RGL3: variants seen among roughly 807,000 people sequenced by gnomAD.
RGL3 encodes the protein ral guanine nucleotide dissociation stimulator-like 3.
In RGL3, 85 loss-of-function variants were observed where a neutral mutation model predicts 90.6. The observed-to-expected ratio is 0.94, with a 90% confidence interval of 0.79 to 1.12. The LOEUF (loss-of-function observed/expected upper bound fraction) is 1.12, where lower values mean the gene tolerates loss of function less well. Among genes scored for constraint, RGL3 ranks in the 50% most tolerant of loss-of-function variants. The probability of loss-of-function intolerance (pLI) is 0.00; values close to 1 mark genes in which losing one functional copy is unlikely to be tolerated. For missense variants in RGL3, 1,034 were observed against 939.2 expected (o/e 1.10, Z -1.32); for synonymous variants, 408 against 385.5 (o/e 1.06, Z -0.68).
rs1219383117 is a variant in RGL3, at chr19:11,414,343, T to TTA, written c.637+1592_637+1593dup. Among the ~76,000 whole-genome samples the TTA allele has an allele frequency of 1.6e-4, 16 of 102,610 alleles. 1 individual carries two copies. The highest frequency in any genetic ancestry group is 3.9e-5 in the Non-Finnish European group (2 of 51,098). The allele number at this position is 102,610 out of a possible 152,430, so 67.3% of individuals were successfully genotyped here. A position where few individuals can be genotyped will look rare whatever the true frequency, so the allele number is the denominator to read the frequency against. ...TACCTTCATATATATATATATACCT[T>TTA]TATATATATATACCTTTATATATAC... On this transcript the variant is annotated intron_variant, in intron 5 of 18. Transcript: ENST00000380456.
Position 11,417,293 on chromosome 19 carries a change from G to GGC in RGL3, c.148-236_148-235dup, listed in dbSNP as rs540927694. Among the ~76,000 whole-genome samples, 21 of 151,530 alleles carry GGC rather than the reference G, an allele frequency of 1.4e-4. No individual in the cohort carries two copies. The East Asian group carries it at 3.9e-3, about 28-fold the overall frequency. On this transcript the variant is annotated intron_variant, in intron 2 of 18. Transcript: ENST00000380456. The stretch of plus-strand genomic sequence containing the variant: ...CAGCCTCCAAGTAGCTGAAACTACA[G>GGC]GCGCACACCACCAAGCCCAGCTAAT...
At chr19:11,402,422 C>T in intron 11 of RGL3, 33 bp downstream of exon 11, 1 of 1,587,942 alleles carries the variant, frequency 6.3e-7, no homozygotes. Context: ...GCAAGTGGAG[C>T]TGGGGTCAGG....
At chr19:11,412,952 C>T (rs925297493) in intron 5 of RGL3, among the ~76,000 whole-genome samples, 3 of 151,714 alleles carry the variant, frequency 2.0e-5, no homozygotes, top group South Asian at 2.1e-4. Flanking sequence ...GGCGACAGAG[C>T]GAGACTCTGT....
Position 11,416,479 on chromosome 19 carries a change from A to T in RGL3, c.425+135T>A, listed in dbSNP as rs557435642. 105 of 879,054 alleles carry T rather than the reference A, an allele frequency of 1.2e-4. No individual in the cohort carries two copies. In the East Asian group the frequency reaches 1.7e-3, roughly 14 times the overall value. The allele number at this position is 879,054 out of a possible 1,614,324, so 54.5% of individuals were successfully genotyped here. A position where few individuals can be genotyped will look rare whatever the true frequency, so the allele number is the denominator to read the frequency against. Reference sequence around the variant, plus strand: ...CTCCCAAAGTGTTGGGATTACAGGCATGAGCCACCACGCCCCACCTGACTC... The same window carrying T: ...CTCCCAAAGTGTTGGGATTACAGGCTTGAGCCACCACGCCCCACCTGACTC... On this transcript the variant is annotated intron_variant, in intron 4 of 18. Coordinates refer to ENST00000380456, the MANE Select transcript of RGL3 (RefSeq NM_001035223.4).
chr19:11,399,267 T>C (rs1968629925), intron 16 of RGL3, among the ~76,000 whole-genome samples: 1 of 152,002 alleles, frequency 6.6e-6, no homozygotes, highest in Non-Finnish European at 1.5e-5. Flanking sequence ...GGGACATACA[T>C]GTCCTCAAAA....
rs1314855749 is a variant in RGL3, at chr19:11,414,155, A to G, written c.637+1782T>C. Among the ~76,000 whole-genome samples, 7 of 88,020 alleles carry G rather than the reference A, an allele frequency of 8.0e-5. No individual in the cohort carries two copies. In the South Asian group the frequency reaches 2.8e-3, roughly 35 times the overall value. 57.7% of individuals were successfully genotyped at this position (88,020 alleles called of 152,430 possible). A position where few individuals can be genotyped will look rare whatever the true frequency, so the allele number is the denominator to read the frequency against. ...AAATCATATATATATATATATATAT[A>G]TATATATATATATATATATATACAC... is the stretch of plus-strand genomic sequence containing the variant. On this transcript the variant is annotated intron_variant, in intron 5 of 18. Transcript: ENST00000380456.
rs544300968 is a variant in RGL3 at position 11,394,189 on chromosome 19, G to T, written c.*213C>A. The T allele has an allele frequency of 3.5e-5, 19 of 536,732 alleles. No homozygotes were observed. The highest frequency in any genetic ancestry group is 1.6e-4 in the Admixed American group (5 of 31,462). 33.2% of individuals were successfully genotyped at this position (536,732 alleles called of 1,614,324 possible). A position where few individuals can be genotyped will look rare whatever the true frequency, so the allele number is the denominator to read the frequency against. On this transcript the variant is annotated 3_prime_UTR_variant, in exon 19 of 19. Coordinates refer to ENST00000380456, the MANE Select transcript of RGL3 (RefSeq NM_001035223.4). Reference sequence around the variant, plus strand: ...CCTCTTTCTACATTTATGGGATTGAGCTCTCCACCAGCCACCCATGGGCTG... The same window carrying T: ...CCTCTTTCTACATTTATGGGATTGATCTCTCCACCAGCCACCCATGGGCTG...
chr19:11,394,630 C>G (rs931423834), intron 18 of RGL3, 110 bp from the exon 19 acceptor site: 1 of 755,738 alleles, frequency 1.3e-6, no homozygotes, highest in Non-Finnish European at 2.3e-6. Flanking sequence ...AGCCATGGGT[C>G]CCTCTGCAGC....
intron 2 of RGL3, among the ~76,000 whole-genome samples, chr19:11,417,470 CTTT>C (rs66697430): frequency 5.2e-5 from 6 of 114,510 alleles, no homozygotes; most frequent in East Asian, 2.5e-4. Context: ...CCTAGCACCA[CTTT>C]TTTTTTTTTT....
At position 11,416,612 on chromosome 19, in the gene RGL3, A is replaced by G; in HGVS notation, c.425+2T>C. 6.2e-7 allele frequency: 1 copy of G among 1,613,704 alleles called. No homozygotes were observed. Among genetic ancestry groups the G allele is most frequent in the Non-Finnish European group, 8.5e-7 (1 of 1,179,780 alleles). On this transcript the variant is annotated splice_donor_variant, in intron 4 of 18. Transcript: ENST00000380456. LOFTEE classifies it high-confidence loss of function. Reference sequence around the variant, plus strand: ...ACTCCCCTATCTGGATGAAGGACCCACCTCAGGTTCTTGTTGAAGCTCAGA... The same window carrying G: ...ACTCCCCTATCTGGATGAAGGACCCGCCTCAGGTTCTTGTTGAAGCTCAGA...
rs780662943 is a variant in RGL3, at chr19:11,416,989, C to A, written c.218G>T (p.Arg73Leu). The A allele has an allele frequency of 2.5e-6, 4 of 1,613,748 alleles. No individual in the cohort carries two copies. The Admixed American group carries it at 6.7e-5, about 27-fold the overall frequency. Residue 73 changes from arginine to leucine, a missense_variant, in exon 3 of 19, where the codon CGC becomes CTC. By Grantham distance (102) the Arg-to-Leu change is moderately radical. Coordinates refer to ENST00000380456, the MANE Select transcript of RGL3 (RefSeq NM_001035223.4). ...CAACTCTCCCACCAGCCGCTCCAGG[C>A]GCGCTGCCCTCAGCACCCTCACCTT... ...TSKVRVLRAA[R>L]LERLVGELVF...
chr19:11,401,893 G>A, intron 13 of RGL3, 118 bp downstream of exon 13: 1 of 1,308,250 alleles, frequency 7.6e-7, no homozygotes, highest in Non-Finnish European at 1.0e-6. Flanking sequence ...TGTAGTGGGG[G>A]ATCAGGGCTC....
intron 16 of RGL3, among the ~76,000 whole-genome samples, chr19:11,399,538 C>T (rs1371873817): frequency 6.6e-6 from 1 of 152,066 alleles, no homozygotes; most frequent in African/African-American, 2.4e-5. Flanking sequence ...CGCTGCACTT[C>T]AGCCTGGGTG....
At chr19:11,414,164 TATATATATATATAC>T (rs1344179754) in intron 5 of RGL3, among the ~76,000 whole-genome samples, 6 of 111,168 alleles carry the variant, frequency 5.4e-5, no homozygotes, top group African/African-American at 2.0e-4. Flanking sequence ...TATATATATA[TATATATATATATAC>T]ACCTATATAT....
intron 2 of RGL3, 85 bp from the exon 3 acceptor site, chr19:11,417,144 C>CT: frequency 1.1e-6 from 1 of 931,358 alleles, no homozygotes; most frequent in Non-Finnish European, 1.6e-6. Flanking sequence ...ACTAGCACCA[C>CT]TCTTTTTTTT....
chr19:11,418,699 C>G lies in RGL3; in HGVS notation c.119G>C (p.Ser40Thr), dbSNP rs1969048807. 2.6e-6 allele frequency: 4 copies of G among 1,568,174 alleles called. No homozygotes were observed. The highest frequency in any genetic ancestry group is 1.7e-4 in the Middle Eastern group (1 of 5,924). ...SLRRQRSQRRSPAEGPGGSQA... is the reference protein window; with the variant it reads ...SLRRQRSQRRTPAEGPGGSQA... ...GCTGCCCCCGGGGCCCTCCGCCGGG[C>G]TCCTGCGCTGACTGCGCTGCCGCCG... The change falls in exon 2 of 19, where the codon AGC (serine) becomes ACC (threonine). Residue 40 changes from serine (S) to threonine (T), a missense_variant. By Grantham distance (58) the Ser-to-Thr change is moderately conservative. Transcript: ENST00000380456.
At chr19:11,399,578 A>G (rs552036713) in intron 16 of RGL3, among the ~76,000 whole-genome samples, 114 of 152,152 alleles carry the variant, frequency 7.5e-4, no homozygotes, top group African/African-American at 2.7e-3. Flanking sequence ...TTTCAAATAA[A>G]AAGGGGTGTG....
intron 5 of RGL3, among the ~76,000 whole-genome samples, chr19:11,407,965 G>A (rs1968811109): frequency 6.6e-6 from 1 of 151,800 alleles, no homozygotes; most frequent in African/African-American, 2.4e-5. Context: ...GGATTGCAGG[G>A]GTAAGCTGTG....
At chr19:11,410,961 C>A (rs968918816) in intron 5 of RGL3, among the ~76,000 whole-genome samples, 1 of 152,046 alleles carries the variant, frequency 6.6e-6, no homozygotes, top group Non-Finnish European at 1.5e-5. Context: ...GTAATCCCGA[C>A]ACTTCGGGAG....
Sources: gnomAD v4.1 joint callset for allele counts (sites outside exome capture counted in the v4.1 genomes callset) on GRCh38, gnomAD v4.1.1 for gene constraint, MANE v1.5 for transcripts, NCBI Gene and HGNC (gene_info 2026-07-23, HGNC 2026-07-21) for gene names.